PPEF2: variants seen among roughly 807,000 people sequenced by gnomAD.
The protein encoded by PPEF2 is protein phosphatase with EF-hand domain 2.
PPEF2 carries 84 observed loss-of-function variants against 84.7 expected under a neutral mutation model. The ratio of observed to expected loss-of-function variants is 0.99; its 90% CI spans 0.83 to 1.19. The LOEUF (loss-of-function observed/expected upper bound fraction) is 1.19. Ranked by LOEUF, PPEF2 falls within the 50% of genes most tolerant of loss-of-function variation. The pLI is 0.00. For synonymous variants in PPEF2, 346 were observed against 345.2 expected (o/e 1.00, Z -0.03); for missense variants, 924 against 937.5 (o/e 0.99, Z 0.19).
At position 75,873,124 on chromosome 4, in the gene PPEF2, C is replaced by A; in HGVS notation, c.1506+3G>T. The A allele has an allele frequency of 6.2e-7, 1 of 1,612,086 alleles. No homozygotes were observed. Among genetic ancestry groups the A allele is most frequent in the South Asian group, 1.1e-5 (1 of 90,736 alleles). ...CCTGTACTGCTGCAGAGGGAGCACC[C>A]ACCTTGCGGTTGTGACAGAATTCAT... On this transcript the variant is annotated splice_donor_region_variant and intron_variant, in intron 12 of 16. Transcript: ENST00000286719.
At position 75,886,416 on chromosome 4, in the gene PPEF2, G is replaced by T. The variant is rs911157805; in HGVS notation, c.579+436C>A. 2.6e-5 allele frequency among the ~76,000 whole-genome samples: 4 copies of T among 152,296 alleles called. No homozygotes were observed. The South Asian group carries it at 8.3e-4, about 32-fold the overall frequency. On this transcript the variant is annotated intron_variant, in intron 7 of 16. Coordinates refer to ENST00000286719, the MANE Select transcript of PPEF2 (RefSeq NM_006239.3). The stretch of plus-strand genomic sequence containing the variant: ...GGCCGCCCCTCACCCGTCATGCAAC[G>T]GCACGTTCGTGGGGAACCTGACATT...
Position 75,867,461 on chromosome 4 carries a change from T to C in PPEF2, c.1650-42A>G, listed in dbSNP as rs758541180. 3 of 1,341,580 alleles carry C rather than the reference T, an allele frequency of 2.2e-6. No homozygotes were observed. The East Asian group carries it at 6.9e-5, about 31-fold the overall frequency. The allele number at this position is 1,341,580 out of a possible 1,614,324, so 83.1% of individuals were successfully genotyped here. ...AAAGCGACATTTTAACACACTGGTA[T>C]AGAAAAAATACTTAGAGATTTTACT... On this transcript the variant is annotated intron_variant, in intron 13 of 16. Transcript: ENST00000286719.
chr4:75,894,845 G>A (rs1008485466), intron 2 of PPEF2, among the ~76,000 whole-genome samples: 1 of 152,220 alleles, frequency 6.6e-6, no homozygotes, highest in South Asian at 2.1e-4. Flanking sequence ...GCGTGTGTGG[G>A]TTGAATTCGT....
intron 10 of PPEF2, among the ~76,000 whole-genome samples, chr4:75,877,672 CTT>C (rs71210220): frequency 8.8e-5 from 13 of 147,148 alleles, no homozygotes; most frequent in Non-Finnish European, 9.0e-5. Flanking sequence ...TTTCCTTTCT[CTT>C]TTTTTTTTTT....
chr4:75,901,287 G>A (rs186889525), intron 1 of PPEF2, among the ~76,000 whole-genome samples: 2 of 152,214 alleles, frequency 1.3e-5, no homozygotes, highest in South Asian at 2.1e-4. Flanking sequence ...AGGCTGAGGC[G>A]GTTGGATCCC....
intron 15 of PPEF2, among the ~76,000 whole-genome samples, chr4:75,865,321 G>C (rs148070278): frequency 2.0e-3 from 302 of 152,234 alleles, no homozygotes; most frequent in Admixed American, 4.2e-3. Flanking sequence ...GAAAGCAAAG[G>C]TGTCAGATGT....
In PPEF2 at chr4:75,860,387, G is replaced by C. The variant is rs569837703; in HGVS notation, c.*280C>G. The C allele has an allele frequency of 4.7e-6, 2 of 428,770 alleles. No individual in the cohort carries two copies. The highest frequency in any genetic ancestry group is 8.4e-6 in the Non-Finnish European group (2 of 239,360). 26.6% of individuals were successfully genotyped at this position (428,770 alleles called of 1,614,324 possible). A position where few individuals can be genotyped will look rare whatever the true frequency, so the allele number is the denominator to read the frequency against. Reference sequence around the variant, plus strand: ...AAACAATGAGAGAGTTACATTGTCAGTGGTTCTTAACTGAAGTGGACTTTA... The same window carrying C: ...AAACAATGAGAGAGTTACATTGTCACTGGTTCTTAACTGAAGTGGACTTTA... On this transcript the variant is annotated 3_prime_UTR_variant, in exon 17 of 17. Coordinates refer to ENST00000286719, the MANE Select transcript of PPEF2 (RefSeq NM_006239.3).
intron 2 of PPEF2, among the ~76,000 whole-genome samples, chr4:75,893,314 A>G (rs7438682): frequency 0.16 from 24,232 of 152,162 alleles, 2,077 homozygotes; most frequent in African/African-American, 0.18. Context: ...CCTGGCCAAT[A>G]TGGTGAAACC....
chr4:75,887,620 C>CAAA (rs34334071), intron 6 of PPEF2, among the ~76,000 whole-genome samples: 1,934 of 123,582 alleles, frequency 0.016, 36 homozygotes, highest in African/African-American at 0.056. Flanking sequence ...GACTGTGTCT[C>CAAA]AAAAAAAAAA....
chr4:75,892,484 G>A (rs1266990061), intron 2 of PPEF2, among the ~76,000 whole-genome samples: 1 of 152,150 alleles, frequency 6.6e-6, no homozygotes, highest in Non-Finnish European at 1.5e-5. Context: ...GTCCTCATCT[G>A]GAAAAGGGGC....
intron 10 of PPEF2, among the ~76,000 whole-genome samples, chr4:75,881,103 T>C (rs1291745058): frequency 2.8e-3 from 1 of 356 alleles, no homozygotes; most frequent in African/African-American, 4.0e-3. Flanking sequence ...TCCAGCATAA[T>C]TTTTTTTTTT....
intron 11 of PPEF2, among the ~76,000 whole-genome samples, chr4:75,875,810 G>A (rs533475066): frequency 6.6e-6 from 1 of 152,172 alleles, no homozygotes; most frequent in African/African-American, 2.4e-5. Flanking sequence ...AGAACTGCGG[G>A]TTTGGGGTGG....
At chr4:75,890,350 A>G (rs939093069) in intron 4 of PPEF2, among the ~76,000 whole-genome samples, 1 of 152,044 alleles carries the variant, frequency 6.6e-6, no homozygotes, top group African/African-American at 2.4e-5. Flanking sequence ...TTAGCCAGCC[A>G]TGGTGTCACA....
chr4:75,863,088 G>A (rs1005637085), intron 16 of PPEF2, among the ~76,000 whole-genome samples: 1 of 152,166 alleles, frequency 6.6e-6, no homozygotes, highest in African/African-American at 2.4e-5. Context: ...TCCAGAACAG[G>A]CAAATCCATA....
In PPEF2 at chr4:75,872,088, A is replaced by T. The variant is rs1422435046; in HGVS notation, c.1586T>A (p.Leu529Gln). 1 of 1,613,762 alleles carries T rather than the reference A, an allele frequency of 6.2e-7. No individual in the cohort carries two copies. Among genetic ancestry groups the T allele is most frequent in the Admixed American group, 1.7e-5 (1 of 59,998 alleles). ...TTGATACTGCACAATATGTGGGGTC[A>T]GGGCTGGCCCCAGTTTGACATAGGC... ...RGAYVKLGPA[L>Q]TPHIVQYQAN... The change falls in exon 13 of 17, where the codon CTG (leucine) becomes CAG (glutamine). Residue 529 changes from leucine to glutamine, a missense_variant. Coordinates refer to ENST00000286719, the MANE Select transcript of PPEF2 (RefSeq NM_006239.3).
At chr4:75,866,590 C>A in intron 14 of PPEF2, 1 of 525,706 alleles carries the variant, frequency 1.9e-6, no homozygotes, top group Non-Finnish European at 3.4e-6. Flanking sequence ...ATAAAAGTGC[C>A]AAATATTGCA....
At chr4:75,870,877 C>CTATTTATT (rs2149216239) in intron 13 of PPEF2, among the ~76,000 whole-genome samples, 1 of 25,162 alleles carries the variant, frequency 4.0e-5, no homozygotes, top group South Asian at 1.6e-3. Context: ...TCAAAAGCTA[C>CTATTTATT]CATTTATTTA....
intron 4 of PPEF2, 37 bp downstream of exon 4, chr4:75,891,611 C>T (rs568123903): frequency 2.1e-5 from 33 of 1,570,858 alleles, no homozygotes; most frequent in African/African-American, 1.4e-4. Context: ...TATGGCCTTG[C>T]GACAGGAGGA....
chr4:75,891,180 C>CAAA (rs35660911), intron 4 of PPEF2, among the ~76,000 whole-genome samples: 2 of 136,142 alleles, frequency 1.5e-5, no homozygotes, highest in Admixed American at 7.5e-5. Flanking sequence ...GACTCTGTCT[C>CAAA]AAAAAAAAAA....
Sources: gnomAD v4.1 joint callset for allele counts (sites outside exome capture counted in the v4.1 genomes callset) on GRCh38, gnomAD v4.1.1 for gene constraint, MANE v1.5 for transcripts, NCBI Gene and HGNC (gene_info 2026-07-23, HGNC 2026-07-21) for gene names.